Variants in ATG13 observed in about 807,000 individuals in gnomAD.
The protein encoded by ATG13 is autophagy related 13.
ATG13 carries 23 observed loss-of-function variants against 65.5 expected under a neutral mutation model. The observed-to-expected ratio is 0.35, with a 90% CI of 0.25 to 0.50. ATG13 has a LOEUF of 0.50. Ranked by LOEUF, ATG13 falls within the 20% of genes least tolerant of loss-of-function variation. The pLI, the probability that ATG13 is intolerant of heterozygous loss-of-function variation, is 0.98. For missense variants in ATG13, 566 were observed against 677.0 expected, an observed-to-expected ratio of 0.84 and a Z score of 1.82; for synonymous variants, 252 against 245.2, an observed-to-expected ratio of 1.03 and a Z score of -0.26.
At chr11:46,639,735 G>C (rs955328155) in intron 2 of ATG13, among the ~76,000 whole-genome samples, 12 of 151,956 alleles carry the variant, frequency 7.9e-5, no homozygotes, top group Non-Finnish European at 1.6e-4. Flanking sequence ...GCAGGGTAAA[G>C]TCATGGCACA....
chr11:46,647,954 C>T (rs1175090307), intron 5 of ATG13, among the ~76,000 whole-genome samples: 1 of 152,092 alleles, frequency 6.6e-6, no homozygotes, highest in African/African-American at 2.4e-5. Flanking sequence ...CCTTATTTCA[C>T]ATTAGGATTG....
chr11:46,663,265 C>CTAA (rs2061560777), intron 11 of ATG13, among the ~76,000 whole-genome samples: 1 of 78,392 alleles, frequency 1.3e-5, no homozygotes. Flanking sequence ...GACTCCATCT[C>CTAA]AAAAAAAAAA....
chr11:46,626,997 T>G (rs907059565), intron 1 of ATG13, among the ~76,000 whole-genome samples: 1 of 152,180 alleles, frequency 6.6e-6, no homozygotes, highest in Non-Finnish European at 1.5e-5. Context: ...CCCAGCACTG[T>G]GGAAAGCCGA....
At chr11:46,666,882 C>T (rs1398395498) in intron 14 of ATG13, among the ~76,000 whole-genome samples, 1 of 151,862 alleles carries the variant, frequency 6.6e-6, no homozygotes, top group African/African-American at 2.4e-5. Context: ...TTCATTCCCA[C>T]GGTAAAGTGG....
At chr11:46,626,313 C>T (rs2049594852) in intron 1 of ATG13, among the ~76,000 whole-genome samples, 1 of 151,978 alleles carries the variant, frequency 6.6e-6, no homozygotes, top group African/African-American at 2.4e-5. Context: ...TGCAGTGGCA[C>T]AACCTCAGCT....
At chr11:46,667,322 T>C (rs983420796) in intron 14 of ATG13, among the ~76,000 whole-genome samples, 4 of 152,100 alleles carry the variant, frequency 2.6e-5, no homozygotes, top group African/African-American at 9.7e-5. Context: ...GGGCCCCCTG[T>C]GCAGGACTCA....
In ATG13 at chr11:46,672,296, C is replaced by T; in HGVS notation, c.1617C>T (p.Val539=). ...PEKLAVHEKN[V]REFDAFVETL... is the part of the protein sequence containing the mutation. ...AGCTGGCTGTGCATGAGAAGAATGT[C>T]CGCGAGTTTGATGCCTTTGTGGAAA... is the stretch of plus-strand genomic sequence containing the variant. The change falls in exon 19 of 19, where the codon GTC becomes GTT. Residue 539 remains valine (V), a synonymous_variant. Transcript: ENST00000683050. 1 of 1,614,238 alleles carries T rather than the reference C, an allele frequency of 6.2e-7. No individual in the cohort carries two copies. Among genetic ancestry groups the T allele is most frequent in the Non-Finnish European group, 8.5e-7 (1 of 1,180,030 alleles).
intron 2 of ATG13, among the ~76,000 whole-genome samples, chr11:46,633,703 C>T (rs1315409441): frequency 6.6e-6 from 1 of 151,934 alleles, no homozygotes; most frequent in Non-Finnish European, 1.5e-5. Flanking sequence ...CCCAGCTACT[C>T]GAGAGGCTTA....
intron 7 of ATG13, among the ~76,000 whole-genome samples, chr11:46,651,843 A>G (rs963014382): frequency 1.3e-5 from 2 of 152,160 alleles, no homozygotes; most frequent in African/African-American, 2.4e-5. Flanking sequence ...CTAGACTTCT[A>G]TTGAGATATA....
chr11:46,626,207 G>A lies in ATG13; in HGVS notation c.-69-3838G>A, dbSNP rs752880401. 3.4e-4 allele frequency among the ~76,000 whole-genome samples: 52 copies of A among 151,544 alleles called. 1 individual carries two copies. The highest frequency in any genetic ancestry group is 2.7e-3 in the Admixed American group (41 of 15,184). ...CCTGACCTTGTGATCCACCCGCCTCGGCCTCCCAAAGTACTGGGATTACAG... is the reference window on the plus strand; with the variant it reads ...CCTGACCTTGTGATCCACCCGCCTCAGCCTCCCAAAGTACTGGGATTACAG... On this transcript the variant is annotated intron_variant, in intron 1 of 18. Coordinates refer to ENST00000683050, the MANE Select transcript of ATG13 (RefSeq NM_001346311.2).
intron 9 of ATG13, 106 bp from the exon 10 acceptor site, chr11:46,657,418 T>C (rs2060262078): frequency 1.7e-6 from 2 of 1,150,864 alleles, no homozygotes; most frequent in Non-Finnish European, 2.6e-6. Context: ...TAGTTAAAGC[T>C]CTGGTAGTGC....
chr11:46,662,513 GTC>G (rs1357977593), intron 11 of ATG13, among the ~76,000 whole-genome samples: 3 of 152,110 alleles, frequency 2.0e-5, no homozygotes, highest in African/African-American at 7.2e-5. Context: ...AATGGTAACT[GTC>G]TCTTATTGTG....
At chr11:46,665,290 A>G in intron 13 of ATG13, 93 bp from the exon 14 acceptor site, 1 of 1,475,864 alleles carries the variant, frequency 6.8e-7, no homozygotes, top group Non-Finnish European at 9.2e-7. Context: ...GGTGATGGAA[A>G]AGTCAAAAGC....
At chr11:46,636,917 C>T (rs778955114) in intron 2 of ATG13, among the ~76,000 whole-genome samples, 11 of 151,940 alleles carry the variant, frequency 7.2e-5, no homozygotes, top group Non-Finnish European at 1.0e-4. Context: ...TTAGTAGAGA[C>T]GGGGTTTCAC....
intron 3 of ATG13, 75 bp downstream of exon 3, chr11:46,644,435 C>G: frequency 7.7e-7 from 1 of 1,297,488 alleles, no homozygotes; most frequent in South Asian, 1.3e-5. Flanking sequence ...GAACAACTCT[C>G]TTTGGAAAGT....
At chr11:46,621,672 A>G (rs953602937) in intron 1 of ATG13, among the ~76,000 whole-genome samples, 5 of 152,098 alleles carry the variant, frequency 3.3e-5, no homozygotes, top group African/African-American at 9.7e-5. Context: ...ATAGATGGCA[A>G]ACCTCTTTGT....
At chr11:46,620,586 G>C (rs1292995595) in intron 1 of ATG13, among the ~76,000 whole-genome samples, 2 of 151,632 alleles carry the variant, frequency 1.3e-5, no homozygotes, top group Non-Finnish European at 2.9e-5. Flanking sequence ...GACTAGCTTG[G>C]GCAACATGGA....
At chr11:46,656,381 A>T in intron 8 of ATG13, 108 bp downstream of exon 8, 2 of 1,143,226 alleles carry the variant, frequency 1.7e-6, no homozygotes, top group Non-Finnish European at 1.3e-6. Context: ...CTTAATATGC[A>T]TAATACAAGT....
chr11:46,655,164 C>T (rs1403460567), intron 7 of ATG13, among the ~76,000 whole-genome samples: 3 of 152,042 alleles, frequency 2.0e-5, no homozygotes, highest in Non-Finnish European at 4.4e-5. Context: ...CTTTGGGAGG[C>T]TGAGACGGGC....
Sources: gnomAD v4.1 joint callset for allele counts (sites outside exome capture counted in the v4.1 genomes callset) on GRCh38, gnomAD v4.1.1 for gene constraint, MANE v1.5 for transcripts, NCBI Gene and HGNC (gene_info 2026-07-23, HGNC 2026-07-21) for gene names.